The following KICS2 variants were observed in gnomAD, a reference collection of about 807,000 sequenced individuals.
KICS2 encodes KICSTOR complex protein C12orf66.
KICS2 carries 13 observed loss-of-function variants against 31.4 expected under a neutral mutation model. That is an observed-to-expected ratio of 0.41 (90% CI 0.27 to 0.66). The LOEUF (loss-of-function observed/expected upper bound fraction) is 0.66, where lower values mean the gene tolerates loss of function less well. KICS2 is among the 30% of genes least tolerant of loss of function. KICS2 has a pLI of 0.28. For synonymous variants in KICS2, 209 were observed against 214.8 expected (o/e 0.97, Z 0.24); for missense variants, 455 against 545.4 (o/e 0.83, Z 1.65).
Position 64,192,693 on chromosome 12 carries a change from C to T in KICS2, c.*1149G>A. 1.0e-6 allele frequency: 1 copy of T among 985,400 alleles called. No homozygotes were observed. The highest frequency in any genetic ancestry group is 1.2e-6 in the Non-Finnish European group (1 of 829,908). The allele number at this position is 985,400 out of a possible 1,614,324, so 61.0% of individuals were successfully genotyped here. ...ATCAATAATCTAGAAGTGAAGGTCT[C>T]CACAGCCCATTATGCCTTCACTGAT... On this transcript the variant is annotated 3_prime_UTR_variant, in exon 3 of 3. Transcript: ENST00000398055.
intron 2 of KICS2, among the ~76,000 whole-genome samples, chr12:64,207,848 T>C (rs1289827871): frequency 6.6e-6 from 1 of 152,120 alleles, no homozygotes; most frequent in Non-Finnish European, 1.5e-5. Flanking sequence ...TGATACATGA[T>C]AGAACAACAA....
intron 2 of KICS2, among the ~76,000 whole-genome samples, chr12:64,206,135 G>T (rs1165684162): frequency 2.0e-5 from 3 of 152,034 alleles, no homozygotes; most frequent in Non-Finnish European, 4.4e-5. Context: ...TCCCAGGGTG[G>T]TCTTGAATGC....
In KICS2 at chr12:64,193,647, C is replaced by A. The variant is rs535494242; in HGVS notation, c.*195G>T. ...GACACATGGTAGCCCATGACCACTTCCTAGATTACTCTTTGGAAACTTAAT... is the reference window on the plus strand; with the variant it reads ...GACACATGGTAGCCCATGACCACTTACTAGATTACTCTTTGGAAACTTAAT... On this transcript the variant is annotated 3_prime_UTR_variant, in exon 3 of 3. Transcript: ENST00000398055. 7.1e-7 allele frequency: 1 copy of A among 1,407,814 alleles called. No individual in the cohort carries two copies. The highest frequency in any genetic ancestry group is 1.4e-5 in the African/African-American group (1 of 69,324). 87.2% of individuals were successfully genotyped at this position (1,407,814 alleles called of 1,614,324 possible).
chr12:64,217,460 G>T (rs888424601), intron 1 of KICS2, among the ~76,000 whole-genome samples: 11 of 151,270 alleles, frequency 7.3e-5, no homozygotes, highest in Non-Finnish European at 1.3e-4. Context: ...ACTAACCATA[G>T]CTGATGAGGA....
chr12:64,201,605 T>TA (rs531373424), intron 2 of KICS2, among the ~76,000 whole-genome samples: 128 of 115,620 alleles, frequency 1.1e-3, no homozygotes, highest in South Asian at 7.0e-3. Flanking sequence ...TAAAGTATAA[T>TA]AAAAAAAAAA....
At chr12:64,190,467 T>G (rs2136683691), downstream of KICS2, among the ~76,000 whole-genome samples, 1 of 152,326 alleles carries the variant, frequency 6.6e-6, no homozygotes, top group Admixed American at 6.5e-5. Flanking sequence ...AATTATTTTC[T>G]TTCTAGAAAG....
chr12:64,210,603 C>T (rs1054799266), intron 2 of KICS2, among the ~76,000 whole-genome samples: 9 of 152,212 alleles, frequency 5.9e-5, no homozygotes, highest in Admixed American at 3.9e-4. Context: ...TAGTGAGACC[C>T]TGTCTCTGCA....
rs975228696 is a variant in KICS2, at chr12:64,193,081, G to A, written c.*761C>T. On this transcript the variant is annotated 3_prime_UTR_variant, in exon 3 of 3. Transcript: ENST00000398055. ...AAACAGAAAGCGAAGCGGATAATAT[G>A]CTGAAGAATGAAGAAAGCCCACATG... 1 of 985,402 alleles carries A rather than the reference G, an allele frequency of 1.0e-6. No individual in the cohort carries two copies. Among genetic ancestry groups the A allele is most frequent in the Non-Finnish European group, 1.2e-6 (1 of 829,898 alleles). 61.0% of individuals were successfully genotyped at this position (985,402 alleles called of 1,614,324 possible).
intron 2 of KICS2, among the ~76,000 whole-genome samples, chr12:64,207,871 A>G (rs917839465): frequency 6.6e-5 from 10 of 152,244 alleles, no homozygotes; most frequent in African/African-American, 2.4e-4. Flanking sequence ...GGACATTCTG[A>G]GCACAAAAAC....
At chr12:64,217,252 C>T (rs977086745) in intron 1 of KICS2, among the ~76,000 whole-genome samples, 2 of 152,102 alleles carry the variant, frequency 1.3e-5, no homozygotes, top group African/African-American at 2.4e-5. Context: ...GTCCCACATC[C>T]TAGAAATCCC....
At chr12:64,206,930 G>A (rs940917906) in intron 2 of KICS2, among the ~76,000 whole-genome samples, 1 of 152,052 alleles carries the variant, frequency 6.6e-6, no homozygotes, top group Non-Finnish European at 1.5e-5. Flanking sequence ...TCAGTGAGGC[G>A]AGATGAAAAT....
At chr12:64,210,818 A>G (rs918925206) in intron 2 of KICS2, among the ~76,000 whole-genome samples, 2 of 152,142 alleles carry the variant, frequency 1.3e-5, no homozygotes, top group African/African-American at 4.8e-5. Context: ...AATAAAATGA[A>G]AACAATTAAT....
chr12:64,215,606 G>A, intron 2 of KICS2, 72 bp downstream of exon 2: 1 of 1,307,068 alleles, frequency 7.7e-7, no homozygotes, highest in Non-Finnish European at 1.1e-6. Context: ...TAAGAGTGTG[G>A]AGAAAAACTC....
chr12:64,186,720 G>C (rs1296490169), downstream of KICS2: 2 of 152,160 alleles, frequency 1.3e-5, no homozygotes, highest in Non-Finnish European at 2.9e-5. Context: ...CTGCCTACTT[G>C]TTACAGCCCT....
intron 2 of KICS2, among the ~76,000 whole-genome samples, chr12:64,195,691 G>A (rs922029631): frequency 2.0e-5 from 3 of 152,224 alleles, no homozygotes; most frequent in African/African-American, 4.8e-5. Flanking sequence ...CTGAGGTACC[G>A]GGTTCATCTC....
rs531973279 is a variant in KICS2 at position 64,222,260 on chromosome 12, C to T, written c.-23G>A. 1.2e-6 allele frequency: 2 copies of T among 1,610,834 alleles called. No individual in the cohort carries two copies. The highest frequency in any genetic ancestry group is 2.2e-5 in the South Asian group (2 of 90,626). ...CATGCGAGCTGCGCCCCAGCTCGACCCACGTGGCTCTCCTCGGCCTCGCAC... is the reference window on the plus strand; with the variant it reads ...CATGCGAGCTGCGCCCCAGCTCGACTCACGTGGCTCTCCTCGGCCTCGCAC... On this transcript the variant is annotated 5_prime_UTR_variant, in exon 1 of 3. Coordinates refer to ENST00000398055, the MANE Select transcript of KICS2 (RefSeq NM_152440.5).
At chr12:64,201,903 C>T (rs1592382517) in intron 2 of KICS2, among the ~76,000 whole-genome samples, 2 of 152,270 alleles carry the variant, frequency 1.3e-5, no homozygotes, top group South Asian at 2.1e-4. Flanking sequence ...ACACTTCAAT[C>T]ACTTTCCATT....
Position 64,193,810 on chromosome 12 carries a change from T to G in KICS2, c.*32A>C. 6.3e-7 allele frequency: 1 copy of G among 1,582,596 alleles called. No homozygotes were observed. ...CATTAGGGCAATTAAGAACAGTTTC[T>G]AGTCTTGAAACCCCTCCACGCAAAT... On this transcript the variant is annotated 3_prime_UTR_variant, in exon 3 of 3. Transcript: ENST00000398055.
At chr12:64,206,994 G>C (rs1307717565) in intron 2 of KICS2, among the ~76,000 whole-genome samples, 4 of 152,070 alleles carry the variant, frequency 2.6e-5, no homozygotes, top group Non-Finnish European at 5.9e-5. Context: ...TACTGAACTG[G>C]ATACATAAAA....
Sources: gnomAD v4.1 joint callset for allele counts (sites outside exome capture counted in the v4.1 genomes callset) on GRCh38, gnomAD v4.1.1 for gene constraint, MANE v1.5 for transcripts, NCBI Gene and HGNC (gene_info 2026-07-23, HGNC 2026-07-21) for gene names.